WIPF1: variants seen among roughly 807,000 people sequenced by gnomAD.
The protein encoded by WIPF1 is WAS/WASL-interacting protein family member 1.
A neutral mutation model predicts 35.4 loss-of-function variants in WIPF1; 13 were observed. That is an observed-to-expected ratio of 0.37 (90% CI 0.24 to 0.58). The LOEUF (loss-of-function observed/expected upper bound fraction) is 0.58, where lower values mean the gene tolerates loss of function less well. WIPF1 is among the 20% of genes least tolerant of loss of function. WIPF1 has a pLI of 0.74. For missense variants in WIPF1, 591 were observed against 667.0 expected (o/e 0.89, Z 1.25); for synonymous variants, 267 against 266.3 (o/e 1.00, Z -0.02).
chr2:174,598,009 T>G (rs2105874536), upstream of WIPF1, among the ~76,000 whole-genome samples: 1 of 152,356 alleles, frequency 6.6e-6, no homozygotes, highest in East Asian at 1.9e-4. Flanking sequence ...CTCCACTCAG[T>G]GAAGAGTCCA....
At chr2:174,621,153 G>A (rs1190322246) in intron 1 of WIPF1, among the ~76,000 whole-genome samples, 1 of 152,198 alleles carries the variant, frequency 6.6e-6, no homozygotes, top group East Asian at 1.9e-4. Context: ...CTTTATCTGT[G>A]TTGGTACAGA....
chr2:174,607,748 T>C (rs1476552307), intron 1 of WIPF1, among the ~76,000 whole-genome samples: 1 of 152,078 alleles, frequency 6.6e-6, no homozygotes, highest in Non-Finnish European at 1.5e-5. Flanking sequence ...TTCTGCAGTA[T>C]TTGTGCCTGA....
intron 1 of WIPF1, among the ~76,000 whole-genome samples, chr2:174,641,298 C>A (rs2105947634): frequency 6.6e-6 from 1 of 152,308 alleles, no homozygotes; most frequent in South Asian, 2.1e-4. Flanking sequence ...ATTATCATGC[C>A]TGGGCAACCT....
At chr2:174,604,708 A>G (rs1259509562) in intron 1 of WIPF1, among the ~76,000 whole-genome samples, 4 of 152,356 alleles carry the variant, frequency 2.6e-5, no homozygotes, top group Admixed American at 2.6e-4. Context: ...TGATGCAGCT[A>G]TTCTGTGATT....
intron 2 of WIPF1, 103 bp from the exon 3 acceptor site, chr2:174,581,542 T>C (rs13401162): frequency 0.098 from 142,579 of 1,453,650 alleles, 7,929 homozygotes; most frequent in African/African-American, 0.23. Flanking sequence ...GTTGTTAAGG[T>C]TCTTGGTGAT....
upstream of WIPF1, among the ~76,000 whole-genome samples, chr2:174,601,079 G>A (rs568073638): frequency 3.3e-5 from 5 of 150,596 alleles, no homozygotes; most frequent in South Asian, 6.2e-4. Context: ...GCACCACCAC[G>A]CCTGGCTAAT....
At chr2:174,566,812 T>C (rs1684675460) in intron 7 of WIPF1, 1 of 375,962 alleles carries the variant, frequency 2.7e-6, no homozygotes, top group Non-Finnish European at 4.8e-6. Flanking sequence ...TCCAAAGAAG[T>C]AAAATAATAA....
At chr2:174,585,384 A>AC in intron 2 of WIPF1, 139 bp downstream of exon 2, 1 of 867,622 alleles carries the variant, frequency 1.2e-6, no homozygotes, top group Non-Finnish European at 1.9e-6. Flanking sequence ...GATTTGGCTT[A>AC]CCCTGGGCAC....
intron 5 of WIPF1, among the ~76,000 whole-genome samples, chr2:174,569,908 C>G (rs1460232213): frequency 2.6e-5 from 4 of 152,196 alleles, no homozygotes; most frequent in South Asian, 2.1e-4. Context: ...GATGAACTCT[C>G]ATACGCTCCT....
intron 1 of WIPF1, among the ~76,000 whole-genome samples, chr2:174,625,155 A>T (rs1326567144): frequency 2.0e-5 from 3 of 152,144 alleles, no homozygotes; most frequent in African/African-American, 4.8e-5. Context: ...CTTCTGTGCA[A>T]CTGAGGGTTG....
At chr2:174,653,214 T>G (rs1687568953) in intron 1 of WIPF1, among the ~76,000 whole-genome samples, 2 of 152,172 alleles carry the variant, frequency 1.3e-5, no homozygotes, top group Non-Finnish European at 2.9e-5. Flanking sequence ...CCCCAACACC[T>G]ATGGTGTTAA....
At chr2:174,647,849 A>G (rs528602290) in intron 1 of WIPF1, among the ~76,000 whole-genome samples, 1 of 152,234 alleles carries the variant, frequency 6.6e-6, no homozygotes, top group African/African-American at 2.4e-5. Flanking sequence ...CATAAAGCAT[A>G]AAACCTTTAA....
intron 1 of WIPF1, among the ~76,000 whole-genome samples, chr2:174,632,489 C>T (rs2105934472): frequency 6.6e-6 from 1 of 152,082 alleles, no homozygotes; most frequent in South Asian, 2.1e-4. Flanking sequence ...GCGGGCGGAT[C>T]ACCTGAGGTC....
chr2:174,600,294 T>G (rs1353504546), upstream of WIPF1, among the ~76,000 whole-genome samples: 1 of 152,216 alleles, frequency 6.6e-6, no homozygotes, highest in African/African-American at 2.4e-5. Context: ...CAGTCAACTT[T>G]GGACACATTT....
At chr2:174,681,992 G>A (rs1454710369) in intron 1 of WIPF1, among the ~76,000 whole-genome samples, 1 of 152,148 alleles carries the variant, frequency 6.6e-6, no homozygotes, top group Non-Finnish European at 1.5e-5. Context: ...ACAGCGACTG[G>A]GTCAGCTGCT....
chr2:174,603,819 G>A (rs1204938062), intron 1 of WIPF1, among the ~76,000 whole-genome samples: 2 of 152,126 alleles, frequency 1.3e-5, no homozygotes, highest in Non-Finnish European at 2.9e-5. Flanking sequence ...GGAGGGACCC[G>A]ATCATAATCC....
At chr2:174,569,113 A>C (rs2105799733) in intron 5 of WIPF1, among the ~76,000 whole-genome samples, 1 of 152,000 alleles carries the variant, frequency 6.6e-6, no homozygotes, top group South Asian at 2.1e-4. Flanking sequence ...TTCCGCTTGT[A>C]AGATGCTGAC....
intron 7 of WIPF1, among the ~76,000 whole-genome samples, chr2:174,565,841 T>A (rs979025581): frequency 6.6e-6 from 1 of 152,186 alleles, no homozygotes; most frequent in Non-Finnish European, 1.5e-5. Flanking sequence ...GGATGACATA[T>A]GCATATTTCA....
intron 1 of WIPF1, among the ~76,000 whole-genome samples, chr2:174,619,477 T>C (rs1406497965): frequency 2.6e-5 from 4 of 152,198 alleles, no homozygotes; most frequent in Non-Finnish European, 5.9e-5. Flanking sequence ...GCTTTTATAA[T>C]TGTGCTAATG....
Sources: allele counts gnomAD v4.1 joint callset (sites outside exome capture counted in the v4.1 genomes callset), GRCh38; gene constraint gnomAD v4.1.1; transcripts MANE v1.5; gene names NCBI Gene and HGNC (gene_info 2026-07-23, HGNC 2026-07-21).